Variants in MSRA observed in about 807,000 individuals in gnomAD.
MSRA encodes mitochondrial peptide methionine sulfoxide reductase.
A neutral mutation model predicts 31.3 loss-of-function variants in MSRA; 54 were observed. The observed-to-expected ratio is 1.73, with a 90% CI of 1.39 to 2.17. MSRA has a LOEUF of 2.17. Ranked by LOEUF, MSRA falls within the 30% of genes most tolerant of loss-of-function variation. MSRA has a pLI of 0.00. For synonymous variants in MSRA, 169 were observed against 116.5 expected (o/e 1.45, Z -2.90); for missense variants, 507 against 300.9 (o/e 1.69, Z -5.07).
intron 5 of MSRA, among the ~76,000 whole-genome samples, chr8:10,387,918 G>A (rs1053695957): frequency 3.3e-5 from 5 of 152,110 alleles, no homozygotes; most frequent in African/African-American, 1.2e-4. Flanking sequence ...CCAATTTCCT[G>A]TAATTCAAAA....
chr8:10,201,309 G>A (rs760060431), intron 1 of MSRA, among the ~76,000 whole-genome samples: 4 of 152,114 alleles, frequency 2.6e-5, no homozygotes, highest in Non-Finnish European at 2.9e-5. Flanking sequence ...AACATGACCC[G>A]ATGAGATTGT....
At chr8:10,191,846 T>C (rs1331940844) in intron 1 of MSRA, among the ~76,000 whole-genome samples, 1 of 152,216 alleles carries the variant, frequency 6.6e-6, no homozygotes, top group Non-Finnish European at 1.5e-5. Context: ...ATTAATTTTC[T>C]ATCACTGTAT....
intron 1 of MSRA, among the ~76,000 whole-genome samples, chr8:10,090,150 G>A (rs2128927050): frequency 6.6e-6 from 1 of 152,310 alleles, no homozygotes; most frequent in South Asian, 2.1e-4. Flanking sequence ...ACTTAATGCA[G>A]AGGGGGCTGG....
intron 5 of MSRA, among the ~76,000 whole-genome samples, chr8:10,329,547 G>A (rs779229505): frequency 9.9e-5 from 15 of 152,184 alleles, no homozygotes; most frequent in Non-Finnish European, 1.9e-4. Flanking sequence ...TGAAATCTGT[G>A]CCATATAAAA....
At chr8:10,427,326 A>T (rs1809239433) in intron 5 of MSRA, among the ~76,000 whole-genome samples, 1 of 152,160 alleles carries the variant, frequency 6.6e-6, no homozygotes, top group Non-Finnish European at 1.5e-5. Flanking sequence ...ATCCACGGGG[A>T]GCAATGTCTA....
intron 5 of MSRA, among the ~76,000 whole-genome samples, chr8:10,356,296 A>G (rs1012434185): frequency 6.6e-6 from 1 of 152,214 alleles, no homozygotes; most frequent in Non-Finnish European, 1.5e-5. Context: ...TTTGTTGTAA[A>G]AAAAGACAGA....
intron 5 of MSRA, among the ~76,000 whole-genome samples, chr8:10,329,110 C>G (rs1424753220): frequency 1.3e-5 from 2 of 152,206 alleles, no homozygotes; most frequent in Non-Finnish European, 2.9e-5. Context: ...CTGCCTTCCT[C>G]TCACTACTTT....
intron 2 of MSRA, among the ~76,000 whole-genome samples, chr8:10,226,580 C>T (rs1180482660): frequency 2.6e-5 from 4 of 152,298 alleles, no homozygotes; most frequent in Admixed American, 2.0e-4. Flanking sequence ...TAGGGAAAAG[C>T]AAATTGCAGA....
intron 1 of MSRA, among the ~76,000 whole-genome samples, chr8:10,199,752 T>A (rs1452609384): frequency 6.6e-6 from 1 of 152,232 alleles, no homozygotes; most frequent in African/African-American, 2.4e-5. Context: ...TAAAAATGTG[T>A]CCTCATCCTT....
rs1325813549 is a variant in MSRA at position 10,283,828 on chromosome 8, TATATATATAC to T, written c.332-17704_332-17695del. 1.3e-4 allele frequency among the ~76,000 whole-genome samples: 9 copies of T among 68,562 alleles called. 1 individual carries two copies. Among genetic ancestry groups the T allele is most frequent in the African/African-American group, 4.8e-4 (9 of 18,794 alleles). 45.0% of individuals were successfully genotyped at this position (68,562 alleles called of 152,430 possible). A position where few individuals can be genotyped will look rare whatever the true frequency, so the allele number is the denominator to read the frequency against. On this transcript the variant is annotated intron_variant, in intron 3 of 5. Transcript: ENST00000317173. Reference sequence around the variant, plus strand: ...ATATATATATATATATATATATATATATATATATACACACACACACACACACACACACACA... The same window carrying T: ...ATATATATATATATATATATATATATACACACACACACACACACACACACA...
In MSRA at chr8:10,428,686, A is replaced by T. The variant is rs1050906346; in HGVS notation, c.*374A>T. ...TGCTCTCTGCCCGCCAGTGCCTTACAATTTGCAAACGTGTATAGCCTCAGT... is the reference window on the plus strand; with the variant it reads ...TGCTCTCTGCCCGCCAGTGCCTTACTATTTGCAAACGTGTATAGCCTCAGT... On this transcript the variant is annotated 3_prime_UTR_variant, in exon 6 of 6. Coordinates refer to ENST00000317173, the MANE Select transcript of MSRA (RefSeq NM_012331.5). The T allele has an allele frequency of 4.1e-6, 1 of 246,534 alleles. No individual in the cohort carries two copies. The highest frequency in any genetic ancestry group is 7.7e-6 in the Non-Finnish European group (1 of 129,280). 15.3% of individuals were successfully genotyped at this position (246,534 alleles called of 1,614,324 possible).
chr8:10,315,644 C>G (rs139517703), intron 4 of MSRA, among the ~76,000 whole-genome samples: 1 of 152,180 alleles, frequency 6.6e-6, no homozygotes. Flanking sequence ...AATGTGTGTG[C>G]ACATGTGTGC....
intron 5 of MSRA, among the ~76,000 whole-genome samples, chr8:10,333,262 T>C (rs1402546694): frequency 6.6e-6 from 1 of 152,160 alleles, no homozygotes; most frequent in Non-Finnish European, 1.5e-5. Flanking sequence ...CCAGACCCCT[T>C]GTGGAATGCA....
At chr8:10,132,797 C>T (rs1801990734) in intron 1 of MSRA, among the ~76,000 whole-genome samples, 1 of 152,106 alleles carries the variant, frequency 6.6e-6, no homozygotes, top group Non-Finnish European at 1.5e-5. Context: ...AACAGTTTAC[C>T]CGGAGTCATA....
At chr8:10,370,095 T>C (rs1439006811) in intron 5 of MSRA, among the ~76,000 whole-genome samples, 1 of 152,238 alleles carries the variant, frequency 6.6e-6, no homozygotes, top group Non-Finnish European at 1.5e-5. Context: ...GGTTTAATAA[T>C]AGCCAACATT....
At chr8:10,113,314 T>TTTTTTG (rs1444952865) in intron 1 of MSRA, among the ~76,000 whole-genome samples, 4 of 125,126 alleles carry the variant, frequency 3.2e-5, no homozygotes, top group African/African-American at 1.2e-4. Flanking sequence ...TTTTTTTTTT[T>TTTTTTG]GGAGGTGTGT....
intron 1 of MSRA, among the ~76,000 whole-genome samples, chr8:10,156,512 G>A (rs750615059): frequency 6.6e-6 from 1 of 152,132 alleles, no homozygotes; most frequent in African/African-American, 2.4e-5. Flanking sequence ...AGAGTTATCA[G>A]TATTCAATGC....
intron 5 of MSRA, among the ~76,000 whole-genome samples, chr8:10,409,689 C>T (rs1808039557): frequency 6.6e-6 from 1 of 152,230 alleles, no homozygotes; most frequent in African/African-American, 2.4e-5. Context: ...CTCGCCCCAC[C>T]AACATGCACG....
chr8:10,326,111 C>T (rs1380021105), intron 5 of MSRA, among the ~76,000 whole-genome samples: 1 of 152,126 alleles, frequency 6.6e-6, no homozygotes, highest in Non-Finnish European at 1.5e-5. Context: ...CTGCTGGGAC[C>T]CCTATACACT....
Sources: gnomAD v4.1 joint callset for allele counts (sites outside exome capture counted in the v4.1 genomes callset) on GRCh38, gnomAD v4.1.1 for gene constraint, MANE v1.5 for transcripts, NCBI Gene and HGNC (gene_info 2026-07-23, HGNC 2026-07-21) for gene names.